Variants in CENPW observed in about 807,000 individuals in gnomAD.
The protein encoded by CENPW is centromere protein W.
In CENPW, 3 loss-of-function variants were observed where a neutral mutation model predicts 11.1. That is an observed-to-expected ratio of 0.27 (90% CI 0.12 to 0.70). The LOEUF (loss-of-function observed/expected upper bound fraction) is 0.70, where lower values mean the gene tolerates loss of function less well. CENPW is among the 30% of genes least tolerant of loss of function. The probability of loss-of-function intolerance (pLI) is 0.77; values close to 1 mark genes in which losing one functional copy is unlikely to be tolerated. For synonymous variants in CENPW, 38 were observed against 42.0 expected, an observed-to-expected ratio of 0.91 and a Z score of 0.37; for missense variants, 100 against 105.6, an observed-to-expected ratio of 0.95 and a Z score of 0.23.
At chr6:126,349,774 G>A (rs1780470053), downstream of CENPW, among the ~76,000 whole-genome samples, 1 of 152,088 alleles carries the variant, frequency 6.6e-6, no homozygotes, top group Non-Finnish European at 1.5e-5. Context: ...AGGGTAATCT[G>A]CAGGATTTTA....
At chr6:126,455,258 TA>T in the CENPW span, among the ~76,000 whole-genome samples, 2 of 150,294 alleles carry the variant, frequency 1.3e-5, no homozygotes, top group Non-Finnish European at 3.0e-5. Context: ...GGCAGAGACA[TA>T]AAAAAAATCA....
the CENPW span, among the ~76,000 whole-genome samples, chr6:126,397,753 C>T: frequency 6.6e-6 from 1 of 151,992 alleles, no homozygotes; most frequent in Non-Finnish European, 1.5e-5. Flanking sequence ...GACCTGTTCC[C>T]TCTTACATTA....
At chr6:126,392,632 T>G in the CENPW span, among the ~76,000 whole-genome samples, 1 of 152,018 alleles carries the variant, frequency 6.6e-6, no homozygotes, top group African/African-American at 2.4e-5. Flanking sequence ...GAACCATCCT[T>G]GCATCTCTGG....
At chr6:126,396,526 T>G in the CENPW span, among the ~76,000 whole-genome samples, 1 of 152,170 alleles carries the variant, frequency 6.6e-6, no homozygotes. Context: ...CTCCAAGAGC[T>G]TGCTTGGTCC....
At chr6:126,412,402 C>A in the CENPW span, among the ~76,000 whole-genome samples, 1 of 152,066 alleles carries the variant, frequency 6.6e-6, no homozygotes, top group Non-Finnish European at 1.5e-5. Flanking sequence ...CTCCTTGTAT[C>A]TGAAGAAATG....
At chr6:126,453,372 A>T in the CENPW span, among the ~76,000 whole-genome samples, 1 of 151,354 alleles carries the variant, frequency 6.6e-6, no homozygotes, top group South Asian at 2.1e-4. Context: ...TTTCAGCAGA[A>T]ATCCTATAAG....
the CENPW span, among the ~76,000 whole-genome samples, chr6:126,421,661 T>C: frequency 6.6e-6 from 1 of 151,972 alleles, no homozygotes; most frequent in Non-Finnish European, 1.5e-5. Flanking sequence ...TTTTTTCCCC[T>C]AGTCTTTCTG....
intron 1 of CENPW, among the ~76,000 whole-genome samples, chr6:126,343,205 T>C (rs1780346515): frequency 6.6e-6 from 1 of 152,232 alleles, no homozygotes; most frequent in African/African-American, 2.4e-5. Flanking sequence ...TGGAATAGCT[T>C]ACCTTTTTCA....
chr6:126,431,672 C>G, the CENPW span, among the ~76,000 whole-genome samples: 1 of 152,120 alleles, frequency 6.6e-6, no homozygotes, highest in Non-Finnish European at 1.5e-5. Context: ...AGAATCTAAT[C>G]TACTTCTAGT....
downstream of CENPW, among the ~76,000 whole-genome samples, chr6:126,351,628 G>A (rs1780491846): frequency 6.6e-6 from 1 of 152,026 alleles, no homozygotes; most frequent in Non-Finnish European, 1.5e-5. Flanking sequence ...TAATTTAACT[G>A]GAGCCTTAGT....
the CENPW span, among the ~76,000 whole-genome samples, chr6:126,361,360 C>G: frequency 6.6e-6 from 1 of 151,946 alleles, no homozygotes; most frequent in East Asian, 1.9e-4. Flanking sequence ...AGTGCAGTGG[C>G]GCAGTCCCGG....
chr6:126,439,707 T>C, the CENPW span, among the ~76,000 whole-genome samples: 1 of 151,836 alleles, frequency 6.6e-6, no homozygotes, highest in Admixed American at 6.6e-5. Context: ...CTTTGAAATA[T>C]ACCTGCTTTA....
chr6:126,356,876 C>T, the CENPW span, among the ~76,000 whole-genome samples: 1 of 151,926 alleles, frequency 6.6e-6, no homozygotes, highest in African/African-American at 2.4e-5. Flanking sequence ...TCCCATTTCT[C>T]CCATTTCTGT....
the CENPW span, among the ~76,000 whole-genome samples, chr6:126,404,012 C>T: frequency 6.6e-6 from 1 of 151,984 alleles, no homozygotes; most frequent in East Asian, 1.9e-4. Flanking sequence ...TCCTAGGGCC[C>T]TTAAGAATTA....
chr6:126,436,573 A>G, the CENPW span, among the ~76,000 whole-genome samples: 2 of 151,844 alleles, frequency 1.3e-5, no homozygotes, highest in African/African-American at 4.8e-5. Flanking sequence ...TTAAGGATGC[A>G]GTTTAGGGTC....
the CENPW span, among the ~76,000 whole-genome samples, chr6:126,398,386 A>T: frequency 3.3e-5 from 5 of 152,204 alleles, no homozygotes. Context: ...TATGCCCTGA[A>T]TTAAATACAG....
At chr6:126,426,939 G>A in the CENPW span, among the ~76,000 whole-genome samples, 1 of 152,146 alleles carries the variant, frequency 6.6e-6, no homozygotes, top group Non-Finnish European at 1.5e-5. Context: ...TCATGATGCA[G>A]CTGTTCTGAA....
the CENPW span, among the ~76,000 whole-genome samples, chr6:126,448,487 G>C: frequency 6.6e-6 from 1 of 151,016 alleles, no homozygotes; most frequent in South Asian, 2.1e-4. Context: ...AATCAAGTGT[G>C]GGGTAGTACT....
the CENPW span, among the ~76,000 whole-genome samples, chr6:126,481,711 T>G: frequency 6.6e-6 from 1 of 152,080 alleles, no homozygotes; most frequent in Non-Finnish European, 1.5e-5. Context: ...GGAAGGGATA[T>G]TTAAACCATA....
Sources: gnomAD v4.1 joint callset for allele counts (sites outside exome capture counted in the v4.1 genomes callset) on GRCh38, gnomAD v4.1.1 for gene constraint, MANE v1.5 for transcripts, NCBI Gene and HGNC (gene_info 2026-07-23, HGNC 2026-07-21) for gene names.